Variants in NFATC2 observed in about 807,000 individuals in gnomAD.
NFATC2 encodes the protein nuclear factor of activated T-cells, cytoplasmic 2.
Under a neutral mutation model 87.3 loss-of-function variants are expected in NFATC2, and 22 were observed. The ratio of observed to expected loss-of-function variants is 0.25; its 90% CI spans 0.18 to 0.36. The LOEUF is 0.36. Among genes scored for constraint, NFATC2 ranks in the 10% least tolerant of loss-of-function variants. The pLI is 1.00. For missense variants in NFATC2, 1,149 were observed against 1,259.1 expected (o/e 0.91, Z 1.32); for synonymous variants, 565 against 542.2 (o/e 1.04, Z -0.58).
chr20:51,402,479 G>GAAAA (rs11453961), intron 9 of NFATC2, among the ~76,000 whole-genome samples: 181 of 147,980 alleles, frequency 1.2e-3, no homozygotes, highest in African/African-American at 4.2e-3. Flanking sequence ...GCTGCCTTTG[G>GAAAA]AAAAAAAAAA....
intron 5 of NFATC2, among the ~76,000 whole-genome samples, chr20:51,471,303 C>T (rs1271183446): frequency 1.3e-5 from 2 of 152,140 alleles, no homozygotes. Context: ...AAAGGGGAGA[C>T]CTTATCTGCT....
chr20:51,443,239 AC>A (rs1984613209), intron 6 of NFATC2, among the ~76,000 whole-genome samples: 1 of 151,964 alleles, frequency 6.6e-6, no homozygotes, highest in African/African-American at 2.4e-5. Flanking sequence ...CATTTTAGCT[AC>A]CTATTGGTTT....
chr20:51,394,882 C>T (rs573678104), intron 10 of NFATC2, among the ~76,000 whole-genome samples: 1 of 152,324 alleles, frequency 6.6e-6, no homozygotes, highest in Admixed American at 6.5e-5. Flanking sequence ...CTGGAAGCCG[C>T]CCCACATTCC....
At chr20:51,416,536 G>A (rs371052223) in intron 9 of NFATC2, among the ~76,000 whole-genome samples, 7 of 152,174 alleles carry the variant, frequency 4.6e-5, no homozygotes, top group South Asian at 2.1e-4. Flanking sequence ...GAGAGGCTAC[G>A]TGGGGGCCAA....
intron 1 of NFATC2, among the ~76,000 whole-genome samples, chr20:51,536,391 A>C (rs1238395371): frequency 6.6e-6 from 1 of 152,140 alleles, no homozygotes; most frequent in Non-Finnish European, 1.5e-5. Context: ...TTACCAATGC[A>C]AACTCTCAGC....
At chr20:51,465,114 G>A (rs1041956021) in intron 5 of NFATC2, among the ~76,000 whole-genome samples, 4 of 152,214 alleles carry the variant, frequency 2.6e-5, no homozygotes, top group Non-Finnish European at 2.9e-5. Flanking sequence ...ACAGCTGGGC[G>A]TGGTGGCTCA....
At position 51,439,913 on chromosome 20, in the gene NFATC2, A is replaced by C. The variant is rs149932149; in HGVS notation, c.1850-4152T>G. On this transcript the variant is annotated intron_variant, in intron 6 of 10. Transcript: ENST00000371564. Reference sequence around the variant, plus strand: ...CTTATGGGGTCGTTCTGAAGATTAAATATGGTAACAGACCTGAGCAGGGTA... The same window carrying C: ...CTTATGGGGTCGTTCTGAAGATTAACTATGGTAACAGACCTGAGCAGGGTA... 6.6e-3 allele frequency among the ~76,000 whole-genome samples: 1,011 copies of C among 152,308 alleles called. 13 individuals carry two copies. Among genetic ancestry groups the C allele is most frequent in the African/African-American group, 0.023 (969 of 41,566 alleles).
At chr20:51,466,058 TTTTG>T (rs1987652326) in intron 5 of NFATC2, among the ~76,000 whole-genome samples, 1 of 152,072 alleles carries the variant, frequency 6.6e-6, no homozygotes, top group Admixed American at 6.5e-5. Flanking sequence ...TCCCTAATTC[TTTTG>T]TTTGTTTTGA....
chr20:51,402,419 C>T (rs1988143762), intron 9 of NFATC2, among the ~76,000 whole-genome samples: 1 of 152,110 alleles, frequency 6.6e-6, no homozygotes, highest in African/African-American at 2.4e-5. Context: ...TCGGCCCCAA[C>T]CCTCTGCTAA....
chr20:51,404,104 G>T (rs2146250695), intron 9 of NFATC2, among the ~76,000 whole-genome samples: 1 of 151,798 alleles, frequency 6.6e-6, no homozygotes, highest in South Asian at 2.1e-4. Context: ...TGCCTAGGAG[G>T]CCCTCTTTTT....
intron 1 of NFATC2, among the ~76,000 whole-genome samples, chr20:51,541,938 C>T (rs1439541740): frequency 6.6e-6 from 1 of 152,088 alleles, no homozygotes; most frequent in Non-Finnish European, 1.5e-5. Context: ...GCTGCACCCC[C>T]CTTCCTTCTT....
chr20:51,388,683 C>G lies in NFATC2; in HGVS notation c.*2813G>C, dbSNP rs1446981894. 1 of 152,134 alleles carries G rather than the reference C, an allele frequency of 6.6e-6. No individual in the cohort carries two copies. The highest frequency in any genetic ancestry group is 2.4e-5 in the African/African-American group (1 of 41,434). 9.4% of individuals were successfully genotyped at this position (152,134 alleles called of 1,614,324 possible). A position where few individuals can be genotyped will look rare whatever the true frequency, so the allele number is the denominator to read the frequency against. ...TAATCTGGATTGCTATACATATTAT[C>G]AAGCAGCAGCATCTTTGTACAATAC... On this transcript the variant is annotated 3_prime_UTR_variant, in exon 11 of 11. Coordinates refer to ENST00000371564, the MANE Select transcript of NFATC2 (RefSeq NM_012340.5).
intron 3 of NFATC2, among the ~76,000 whole-genome samples, chr20:51,512,220 G>T (rs555195856): frequency 1.3e-5 from 2 of 152,296 alleles, no homozygotes; most frequent in East Asian, 3.9e-4. Context: ...ACCATCTCTT[G>T]TCATGGTTTG....
chr20:51,515,488 T>C (rs2076337139), intron 3 of NFATC2, among the ~76,000 whole-genome samples: 1 of 152,226 alleles, frequency 6.6e-6, no homozygotes, highest in Non-Finnish European at 1.5e-5. Context: ...AGATACACCT[T>C]GTGCTTTCCA....
At chr20:51,440,723 T>C (rs1984212999) in intron 6 of NFATC2, among the ~76,000 whole-genome samples, 2 of 152,194 alleles carry the variant, frequency 1.3e-5, no homozygotes, top group Non-Finnish European at 2.9e-5. Flanking sequence ...CTGCACTCGG[T>C]TCTGGACAAA....
intron 1 of NFATC2, among the ~76,000 whole-genome samples, chr20:51,540,663 T>TTTTTTTTTTTTTTTTTTTTTTTTTGTTTG (rs1555818354): frequency 1.8e-4 from 25 of 135,770 alleles, no homozygotes; most frequent in East Asian, 9.2e-4. Context: ...TTTTTGTTTT[T>TTTTTTTTTTTTTTTTTTTTTTTTTGTTTG]TTTTTTTTGA....
At chr20:51,403,726 G>A (rs1988287902) in intron 9 of NFATC2, among the ~76,000 whole-genome samples, 1 of 151,728 alleles carries the variant, frequency 6.6e-6, no homozygotes, top group Non-Finnish European at 1.5e-5. Context: ...AAAGGTGACT[G>A]TCTGCAAGCC....
intron 1 of NFATC2, among the ~76,000 whole-genome samples, chr20:51,541,343 T>C (rs936971758): frequency 2.6e-5 from 4 of 152,128 alleles, no homozygotes; most frequent in Non-Finnish European, 5.9e-5. Context: ...TGGGCTGGGC[T>C]GGGCTGTCAA....
At chr20:51,505,180 A>G (rs2076157655) in intron 3 of NFATC2, among the ~76,000 whole-genome samples, 1 of 150,820 alleles carries the variant, frequency 6.6e-6, no homozygotes, top group Non-Finnish European at 1.5e-5. Flanking sequence ...TGCCTGGCTA[A>G]TTTTTTTGTA....
Sources: gnomAD v4.1 joint callset for allele counts (sites outside exome capture counted in the v4.1 genomes callset) on GRCh38, gnomAD v4.1.1 for gene constraint, MANE v1.5 for transcripts, NCBI Gene and HGNC (gene_info 2026-07-23, HGNC 2026-07-21) for gene names.